Variants in HSPA9 observed in about 807,000 individuals in gnomAD.
The protein encoded by HSPA9 is stress-70 protein, mitochondrial.
HSPA9 carries 28 observed loss-of-function variants against 81.5 expected under a neutral mutation model. The ratio of observed to expected loss-of-function variants is 0.34; its 90% CI spans 0.25 to 0.47. The LOEUF (loss-of-function observed/expected upper bound fraction) is 0.47. HSPA9 is among the 20% of genes least tolerant of loss of function. HSPA9 has a pLI of 1.00. For synonymous variants in HSPA9, 293 were observed against 290.4 expected (o/e 1.01, Z -0.09); for missense variants, 678 against 838.0 (o/e 0.81, Z 2.36).
chr5:138,555,818 G>T lies in HSPA9; in HGVS notation c.*219C>A. The stretch of plus-strand genomic sequence containing the variant: ...TTTACATGCAGCTGAAAAATGACAG[G>T]CTAGGGACATAGAATATTGTGAACT... On this transcript the variant is annotated 3_prime_UTR_variant, in exon 17 of 17. Coordinates refer to ENST00000297185, the MANE Select transcript of HSPA9 (RefSeq NM_004134.7). 1.7e-6 allele frequency: 1 copy of T among 583,522 alleles called. No individual in the cohort carries two copies. The allele number at this position is 583,522 out of a possible 1,614,324, so 36.1% of individuals were successfully genotyped here. A position where few individuals can be genotyped will look rare whatever the true frequency, so the allele number is the denominator to read the frequency against.
chr5:138,560,999 A>G (rs778939704), intron 10 of HSPA9: 4 of 470,650 alleles, frequency 8.5e-6, no homozygotes, highest in South Asian at 6.0e-5. Context: ...GGTCCAAGAT[A>G]ATCCTATTTA....
rs376027409 is a variant in HSPA9 at position 138,558,643 on chromosome 5, G to A, written c.1425C>T (p.Ala475=). 84 of 1,611,280 alleles carry A rather than the reference G, an allele frequency of 5.2e-5. No individual in the cohort carries two copies. The highest frequency in any genetic ancestry group is 1.2e-4 in the Admixed American group (7 of 59,968). Reference sequence around the variant, plus strand: ...TTTCCACTTGCGTTTGACCATCAGCGGCAGTAGAGAATACCTAGGGAAGAA... The same window carrying A: ...TTTCCACTTGCGTTTGACCATCAGCAGCAGTAGAGAATACCTAGGGAAGAA... ...PTKKSQVFST[A]ADGQTQVEIK... The change falls in exon 12 of 17, where the codon GCC becomes GCT. Residue 475 remains alanine, a synonymous_variant. Transcript: ENST00000297185.
chr5:138,563,575 C>T (rs1345672215), intron 9 of HSPA9, among the ~76,000 whole-genome samples: 2 of 152,168 alleles, frequency 1.3e-5, no homozygotes, highest in Non-Finnish European at 2.9e-5. Flanking sequence ...CACAATTCTC[C>T]ACTCTACTCC....
chr5:138,556,659 AT>A, intron 15 of HSPA9, 67 bp from the exon 16 acceptor site: 1 of 1,575,160 alleles, frequency 6.3e-7, no homozygotes, highest in Non-Finnish European at 8.7e-7. Flanking sequence ...TAGAAGTACT[AT>A]TTAGAAACAT....
At chr5:138,564,196 T>C (rs1020049720) in intron 9 of HSPA9, among the ~76,000 whole-genome samples, 2 of 152,150 alleles carry the variant, frequency 1.3e-5, no homozygotes, top group Admixed American at 1.3e-4. Context: ...CTCTGCCTCC[T>C]GGGTTCAAGC....
chr5:138,575,122 C>T, intron 1 of HSPA9, 116 bp downstream of exon 1: 1 of 715,116 alleles, frequency 1.4e-6, no homozygotes, highest in Non-Finnish European at 2.4e-6. Flanking sequence ...ACCTTCCTTC[C>T]CGCCTGACCT....
At chr5:138,573,694 T>C in intron 3 of HSPA9, 69 bp downstream of exon 3, 1 of 759,660 alleles carries the variant, frequency 1.3e-6, no homozygotes, top group Non-Finnish European at 2.3e-6. Context: ...TCAAATTCCT[T>C]AACTAAGGAA....
intron 9 of HSPA9, 96 bp downstream of exon 9, chr5:138,566,530 T>C (rs1750766447): frequency 1.1e-6 from 1 of 917,008 alleles, no homozygotes; most frequent in Non-Finnish European, 1.8e-6. Flanking sequence ...CAAAAAAAAC[T>C]CAACTGACAT....
intron 9 of HSPA9, 32 bp downstream of exon 9, chr5:138,566,590 TATCC>T (rs749793975): frequency 7.5e-7 from 1 of 1,334,344 alleles, no homozygotes; most frequent in African/African-American, 1.4e-5. Flanking sequence ...CGGCTGAAAA[TATCC>T]ATCAAGACTG....
chr5:138,561,027 G>A (rs770561950), intron 10 of HSPA9: 1 of 490,898 alleles, frequency 2.0e-6, no homozygotes, highest in South Asian at 1.5e-5. Context: ...AAGAAGAACT[G>A]CATCTTCAAC....
At chr5:138,573,333 C>T (rs1280783937) in intron 3 of HSPA9, among the ~76,000 whole-genome samples, 3 of 152,118 alleles carry the variant, frequency 2.0e-5, no homozygotes, top group Admixed American at 6.6e-5. Flanking sequence ...CCGGTCAGCC[C>T]TGATCTATAG....
intron 11 of HSPA9, among the ~76,000 whole-genome samples, chr5:138,559,383 A>G (rs560477786): frequency 3.9e-5 from 6 of 152,290 alleles, no homozygotes; most frequent in African/African-American, 1.4e-4. Flanking sequence ...GATTACAGGC[A>G]TGAGCCACGG....
intron 4 of HSPA9, 38 bp from the exon 5 acceptor site, chr5:138,569,087 G>C: frequency 6.2e-7 from 1 of 1,605,390 alleles, no homozygotes; most frequent in South Asian, 1.1e-5. Context: ...AAAACTACCT[G>C]AACAACTTAC....
chr5:138,568,391 C>T (rs554139588), intron 5 of HSPA9, among the ~76,000 whole-genome samples: 1 of 151,980 alleles, frequency 6.6e-6, no homozygotes, highest in African/African-American at 2.4e-5. Flanking sequence ...ATCCCAGCTA[C>T]GTTGGGGGGG....
At chr5:138,566,870 AT>A (rs770869447) in intron 8 of HSPA9, 130 bp downstream of exon 8, 9 of 1,179,564 alleles carry the variant, frequency 7.6e-6, no homozygotes, top group Admixed American at 1.7e-5. Flanking sequence ...GGGAAAAAAA[AT>A]ATTCTGAAAA....
Position 138,556,759 on chromosome 5 carries a change from T to A in HSPA9, c.1821+15A>T, listed in dbSNP as rs1451607399. ...ATGTGTTCAACCTCTTGAGTTACTT[T>A]AAAATAGAACTCACCTCATCAGCAG... On this transcript the variant is annotated intron_variant, in intron 15 of 16. Coordinates refer to ENST00000297185, the MANE Select transcript of HSPA9 (RefSeq NM_004134.7). 4 of 1,605,490 alleles carry A rather than the reference T, an allele frequency of 2.5e-6. No individual in the cohort carries two copies. The South Asian group carries it at 3.3e-5, about 13-fold the overall frequency.
At chr5:138,566,441 TAAAG>T (rs1292507418) in intron 9 of HSPA9, among the ~76,000 whole-genome samples, 181 bp downstream of exon 9, 1 of 152,014 alleles carries the variant, frequency 6.6e-6, no homozygotes, top group Non-Finnish European at 1.5e-5. Context: ...TTTCAGCTCA[TAAAG>T]AAACTAAAGA....
rs146042327 is a variant in HSPA9 at position 138,554,255 on chromosome 5, G to C, written c.*1782C>G. 1.9e-4 allele frequency among the ~76,000 whole-genome samples: 29 copies of C among 152,318 alleles called. No homozygotes were observed. The highest frequency in any genetic ancestry group is 6.5e-4 in the African/African-American group (27 of 41,568). Reference sequence around the variant, plus strand: ...GCTTGGGCATTTGGCTCCTCTCTCTGATCCCAAGGATGAATCTTGACTAGC... The same window carrying C: ...GCTTGGGCATTTGGCTCCTCTCTCTCATCCCAAGGATGAATCTTGACTAGC... On this transcript the variant is annotated 3_prime_UTR_variant, in exon 17 of 17. Transcript: ENST00000297185.
Position 138,555,632 on chromosome 5 carries a change from T to C in HSPA9, c.*405A>G, listed in dbSNP as rs1750504570. 2 of 311,498 alleles carry C rather than the reference T, an allele frequency of 6.4e-6. No individual in the cohort carries two copies. Among genetic ancestry groups the C allele is most frequent in the South Asian group, 2.9e-5 (1 of 34,668 alleles). The allele number at this position is 311,498 out of a possible 1,614,324, so 19.3% of individuals were successfully genotyped here. A position where few individuals can be genotyped will look rare whatever the true frequency, so the allele number is the denominator to read the frequency against. On this transcript the variant is annotated 3_prime_UTR_variant, in exon 17 of 17. Transcript: ENST00000297185. ...TACATACAGGCCAGTACAGCAGTACTAGGCTAACTAGAAGGATCTCATCCC... is the reference window on the plus strand; with the variant it reads ...TACATACAGGCCAGTACAGCAGTACCAGGCTAACTAGAAGGATCTCATCCC...
Sources: allele counts gnomAD v4.1 joint callset (sites outside exome capture counted in the v4.1 genomes callset), GRCh38; gene constraint gnomAD v4.1.1; transcripts MANE v1.5; gene names NCBI Gene and HGNC (gene_info 2026-07-23, HGNC 2026-07-21).